Variants in METTL15 observed in about 807,000 individuals in gnomAD.
The protein encoded by METTL15 is 12S rRNA N(4)-cytidine methyltransferase METTL15.
In METTL15, 34 loss-of-function variants were observed where a neutral mutation model predicts 38.3. The observed-to-expected ratio is 0.89, with a 90% CI of 0.68 to 1.18. The LOEUF is 1.18. Ranked by LOEUF, METTL15 falls within the 50% of genes most tolerant of loss-of-function variation. The pLI, the probability that METTL15 is intolerant of heterozygous loss-of-function variation, is 0.00. For missense variants in METTL15, 438 were observed against 498.4 expected (o/e 0.88, Z 1.15); for synonymous variants, 162 against 170.9 (o/e 0.95, Z 0.41).
intron 5 of METTL15, among the ~76,000 whole-genome samples, chr11:28,412,145 T>C (rs988929805): frequency 1.3e-5 from 2 of 152,048 alleles, no homozygotes; most frequent in African/African-American, 4.8e-5. Context: ...TTGCTGTTAG[T>C]AATGTAGATT....
intron 4 of METTL15, among the ~76,000 whole-genome samples, chr11:28,247,839 C>G (rs764963201): frequency 1.3e-5 from 2 of 151,926 alleles, no homozygotes; most frequent in Non-Finnish European, 2.9e-5. Flanking sequence ...ACAAGTCAAC[C>G]AAGGGTTTAG....
chr11:28,465,080 ATGGCC>A (rs1238298755), intron 6 of METTL15, among the ~76,000 whole-genome samples: 1 of 152,178 alleles, frequency 6.6e-6, no homozygotes, highest in Non-Finnish European at 1.5e-5. Flanking sequence ...CTCTTAACAC[ATGGCC>A]AAGGAACTTG....
intron 6 of METTL15, among the ~76,000 whole-genome samples, chr11:28,446,497 T>A (rs1851076465): frequency 6.6e-6 from 1 of 152,126 alleles, no homozygotes; most frequent in African/African-American, 2.4e-5. Flanking sequence ...CAGAGAGTTA[T>A]ATTTTATCAC....
At chr11:28,275,903 A>C (rs571133571) in intron 4 of METTL15, among the ~76,000 whole-genome samples, 7 of 152,114 alleles carry the variant, frequency 4.6e-5, no homozygotes, top group Non-Finnish European at 1.0e-4. Context: ...ACCTCCCTTC[A>C]TGATAAAAAC....
rs995260601 is a variant in METTL15, at chr11:28,111,061, C to T, written c.-18+660C>T. On this transcript the variant is annotated intron_variant, in intron 2 of 6. Transcript: ENST00000407364. Reference sequence around the variant, plus strand: ...ATATAATTTTCTTTAGAGCATGCCACACCCCCAGCTTCCATTTTTTTAGGG... The same window carrying T: ...ATATAATTTTCTTTAGAGCATGCCATACCCCCAGCTTCCATTTTTTTAGGG... Among the ~76,000 whole-genome samples the T allele has an allele frequency of 2.0e-5, 3 of 152,272 alleles. No individual in the cohort carries two copies. In the East Asian group the frequency reaches 5.8e-4, roughly 29 times the overall value.
intron 3 of METTL15, among the ~76,000 whole-genome samples, chr11:28,199,146 T>C (rs1317381532): frequency 2.0e-5 from 3 of 152,160 alleles, no homozygotes. Context: ...ACCCCATGAA[T>C]TGTATATACA....
intron 6 of METTL15, among the ~76,000 whole-genome samples, chr11:28,486,950 A>C (rs1486381442): frequency 2.0e-5 from 3 of 152,126 alleles, no homozygotes; most frequent in Non-Finnish European, 4.4e-5. Flanking sequence ...AAAACTAAGA[A>C]TAGATCTCCT....
intron 5 of METTL15, among the ~76,000 whole-genome samples, chr11:28,291,263 C>T (rs1856502913): frequency 6.6e-6 from 1 of 152,014 alleles, no homozygotes; most frequent in Non-Finnish European, 1.5e-5. Flanking sequence ...CCAGGCTGAT[C>T]TGGATCTCCT....
intron 4 of METTL15, among the ~76,000 whole-genome samples, chr11:28,238,159 C>T (rs1015223784): frequency 2.6e-5 from 4 of 152,208 alleles, no homozygotes; most frequent in African/African-American, 9.6e-5. Flanking sequence ...ACATTTAAAT[C>T]TGCAGAGGTT....
intron 3 of METTL15, among the ~76,000 whole-genome samples, chr11:28,184,225 A>T (rs1851408264): frequency 6.6e-6 from 1 of 151,336 alleles, no homozygotes; most frequent in Non-Finnish European, 1.5e-5. Context: ...GGATTCGTTG[A>T]TTTTTTTGAA....
intron 6 of METTL15, among the ~76,000 whole-genome samples, chr11:28,488,674 CTG>C (rs1851456731): frequency 6.6e-6 from 1 of 152,130 alleles, no homozygotes; most frequent in African/African-American, 2.4e-5. Context: ...TATGACATAA[CTG>C]TAATTTGTTT....
At chr11:28,328,845 A>AG in intron 6 of METTL15, among the ~76,000 whole-genome samples, 1 of 152,174 alleles carries the variant, frequency 6.6e-6, no homozygotes, top group Middle Eastern at 3.4e-3. Flanking sequence ...TACTTCTTTT[A>AG]TATATTCTAG....
intron 3 of METTL15, among the ~76,000 whole-genome samples, chr11:28,115,763 C>T (rs1369250056): frequency 6.6e-6 from 1 of 151,966 alleles, no homozygotes; most frequent in East Asian, 1.9e-4. Context: ...CTTGCTGTTG[C>T]AAGGGTGGCA....
At chr11:28,262,725 G>C (rs1245929110) in intron 4 of METTL15, among the ~76,000 whole-genome samples, 1 of 152,024 alleles carries the variant, frequency 6.6e-6, no homozygotes, top group Non-Finnish European at 1.5e-5. Flanking sequence ...CATCTTTCCT[G>C]AGCCAAAACA....
intron 5 of METTL15, among the ~76,000 whole-genome samples, chr11:28,403,667 T>C (rs1041776815): frequency 1.3e-5 from 2 of 152,070 alleles, no homozygotes; most frequent in Non-Finnish European, 2.9e-5. Flanking sequence ...CAATGAACCA[T>C]GTCATAGATA....
At chr11:28,269,985 T>C (rs1245019502) in intron 4 of METTL15, among the ~76,000 whole-genome samples, 1 of 152,208 alleles carries the variant, frequency 6.6e-6, no homozygotes, top group Non-Finnish European at 1.5e-5. Context: ...GCTAAACTTG[T>C]GTTTATGGAA....
intron 4 of METTL15, among the ~76,000 whole-genome samples, chr11:28,249,737 A>G (rs550111749): frequency 6.7e-6 from 1 of 150,168 alleles, no homozygotes; most frequent in South Asian, 2.1e-4. Context: ...TTTTTTTTTT[A>G]CTTTTAAGTT....
chr11:28,360,744 G>A lies in METTL15; in HGVS notation c.*259-1193G>A, dbSNP rs886902600. Among the ~76,000 whole-genome samples, 5 of 151,594 alleles carry A rather than the reference G, an allele frequency of 3.3e-5. No homozygotes were observed. In the East Asian group the frequency reaches 7.8e-4, roughly 24 times the overall value. On this transcript the variant is annotated intron_variant and NMD_transcript_variant, in intron 4 of 7. Coordinates refer to the METTL15 transcript ENST00000532947. Reference sequence around the variant, plus strand: ...ACATATGTATACATGTGCCATGCTGGTGTGCTGCACCCATTAACTCGTCAT... The same window carrying A: ...ACATATGTATACATGTGCCATGCTGATGTGCTGCACCCATTAACTCGTCAT...
intron 3 of METTL15, among the ~76,000 whole-genome samples, chr11:28,172,872 G>T (rs1221808169): frequency 6.6e-6 from 1 of 152,158 alleles, no homozygotes; most frequent in Non-Finnish European, 1.5e-5. Context: ...GAGCTTAGAA[G>T]AATATCTCTC....
Sources: gnomAD v4.1 joint callset for allele counts (sites outside exome capture counted in the v4.1 genomes callset) on GRCh38, gnomAD v4.1.1 for gene constraint, MANE v1.5 for transcripts, NCBI Gene and HGNC (gene_info 2026-07-23, HGNC 2026-07-21) for gene names.